The following CCDC171 variants were observed in gnomAD, a reference collection of about 807,000 sequenced individuals.
CCDC171 encodes coiled-coil domain containing 171, also known as coiled-coil domain-containing protein 171.
A neutral mutation model predicts 168.2 loss-of-function variants in CCDC171; 177 were observed. The observed-to-expected ratio is 1.05, with a 90% confidence interval of 0.93 to 1.19. CCDC171 has a LOEUF of 1.19. CCDC171 is among the 50% of genes most tolerant of loss of function. The probability of loss-of-function intolerance (pLI) is 0.00; values close to 1 mark genes in which losing one functional copy is unlikely to be tolerated. For synonymous variants in CCDC171, 687 were observed against 540.8 expected, an observed-to-expected ratio of 1.27 and a Z score of -3.75; for missense variants, 1,991 against 1,539.0, an observed-to-expected ratio of 1.29 and a Z score of -4.91.
chr9:15,839,726 T>G (rs1192954530), intron 21 of CCDC171, among the ~76,000 whole-genome samples: 2 of 152,204 alleles, frequency 1.3e-5, no homozygotes, highest in Admixed American at 6.5e-5. Context: ...TGAGAGGCAC[T>G]GTTCTGTGTG....
chr9:15,556,327 A>G (rs1270366640), intron 1 of CCDC171, among the ~76,000 whole-genome samples: 1 of 152,126 alleles, frequency 6.6e-6, no homozygotes, highest in Non-Finnish European at 1.5e-5. Flanking sequence ...TGTCTTCCAC[A>G]ATGGTTGAAC....
chr9:16,100,712 C>T, the CCDC171 span, among the ~76,000 whole-genome samples: 1 of 152,194 alleles, frequency 6.6e-6, no homozygotes, highest in Non-Finnish European at 1.5e-5. Flanking sequence ...TTGGAAGCAG[C>T]TGCGAGGAGA....
intron 3 of CCDC171, among the ~76,000 whole-genome samples, chr9:15,574,724 C>G (rs276450): frequency 0.055 from 8,442 of 152,304 alleles, 278 homozygotes; most frequent in African/African-American, 0.092. Flanking sequence ...TTTGCCTTAT[C>G]AGGTATTCCT....
intron 18 of CCDC171, among the ~76,000 whole-genome samples, chr9:15,770,430 G>C (rs1302434307): frequency 6.6e-6 from 1 of 152,088 alleles, no homozygotes. Context: ...TTGATTTATG[G>C]ATTTAAAATG....
At chr9:15,739,304 C>T (rs182241902) in intron 16 of CCDC171, among the ~76,000 whole-genome samples, 56 of 152,216 alleles carry the variant, frequency 3.7e-4, no homozygotes, top group Admixed American at 6.5e-4. Flanking sequence ...AGTGGTGAGG[C>T]TAATGCCTGT....
chr9:15,582,085 GA>G (rs1031878415), intron 4 of CCDC171, among the ~76,000 whole-genome samples: 4 of 151,986 alleles, frequency 2.6e-5, no homozygotes, highest in South Asian at 2.1e-4. Flanking sequence ...AAATTTACAA[GA>G]AAAAAACAAT....
chr9:16,050,107 G>T (rs999239596), intron 1 of CCDC171, among the ~76,000 whole-genome samples: 2 of 152,050 alleles, frequency 1.3e-5, no homozygotes, highest in African/African-American at 4.8e-5. Context: ...GGCTGGTCTC[G>T]ATCTCCTGAC....
intron 16 of CCDC171, among the ~76,000 whole-genome samples, chr9:15,730,667 A>T (rs1045881950): frequency 2.6e-5 from 4 of 151,792 alleles, no homozygotes; most frequent in African/African-American, 9.7e-5. Flanking sequence ...AAATAAAATT[A>T]TTATTATTAT....
At chr9:16,001,000 C>T (rs1348921810) in intron 3 of CCDC171, among the ~76,000 whole-genome samples, 1 of 152,090 alleles carries the variant, frequency 6.6e-6, no homozygotes, top group African/African-American at 2.4e-5. Context: ...TGATGATTGG[C>T]TCATTCAGAA....
At chr9:15,871,740 T>C (rs912340205) in intron 23 of CCDC171, among the ~76,000 whole-genome samples, 1 of 151,958 alleles carries the variant, frequency 6.6e-6, no homozygotes, top group African/African-American at 2.4e-5. Flanking sequence ...GTTGACACCT[T>C]GAAATTCAGA....
intron 16 of CCDC171, among the ~76,000 whole-genome samples, chr9:15,736,915 A>G (rs1198548515): frequency 1.3e-5 from 2 of 152,070 alleles, no homozygotes; most frequent in Admixed American, 6.6e-5. Context: ...TGGCCTCTCA[A>G]AGTGCTGGGA....
chr9:15,775,799 A>G (rs562426879), intron 18 of CCDC171, among the ~76,000 whole-genome samples: 1 of 152,342 alleles, frequency 6.6e-6, no homozygotes, highest in Non-Finnish European at 1.5e-5. Flanking sequence ...TGTGTTCAGC[A>G]TTGTTGCAGT....
chr9:15,700,218 G>A (rs1252545706), intron 11 of CCDC171, among the ~76,000 whole-genome samples: 3 of 152,226 alleles, frequency 2.0e-5, no homozygotes, highest in East Asian at 1.9e-4. Flanking sequence ...GTGAGAAATC[G>A]AGCACAGCGC....
chr9:16,105,775 G>T, the CCDC171 span, among the ~76,000 whole-genome samples: 1 of 152,176 alleles, frequency 6.6e-6, no homozygotes, highest in Non-Finnish European at 1.5e-5. Flanking sequence ...AACCAACACG[G>T]TTTTTGGCCA....
chr9:15,850,853 C>G (rs1017952798), intron 23 of CCDC171, among the ~76,000 whole-genome samples: 1 of 151,926 alleles, frequency 6.6e-6, no homozygotes, highest in African/African-American at 2.4e-5. Context: ...GGTCCAGGCT[C>G]TTTCATGGGA....
At chr9:15,954,251 T>G (rs1198858628) in intron 25 of CCDC171, among the ~76,000 whole-genome samples, 7 of 152,006 alleles carry the variant, frequency 4.6e-5, no homozygotes, top group Non-Finnish European at 1.0e-4. Context: ...TTCTAGTTTC[T>G]TAAGTAGTAA....
At chr9:15,757,071 CG>C (rs1564354628) in intron 18 of CCDC171, among the ~76,000 whole-genome samples, 1 of 151,978 alleles carries the variant, frequency 6.6e-6, no homozygotes, top group South Asian at 2.1e-4. Context: ...TAGAGTGGGG[CG>C]TTGCTGAAAA....
intron 6 of CCDC171, among the ~76,000 whole-genome samples, chr9:16,025,224 C>T (rs572267335): frequency 9.9e-5 from 15 of 152,220 alleles, no homozygotes; most frequent in East Asian, 3.9e-4. Flanking sequence ...GGTGGATCTC[C>T]GGAGGTCAGG....
chr9:15,784,717 G>T (rs1385170388), intron 21 of CCDC171, 23 bp downstream of exon 21: 2 of 1,557,730 alleles, frequency 1.3e-6, no homozygotes, highest in African/African-American at 2.7e-5. Context: ...AGGGATATTT[G>T]CATAAAGGGA....
Sources: allele counts gnomAD v4.1 joint callset (sites outside exome capture counted in the v4.1 genomes callset), GRCh38; gene constraint gnomAD v4.1.1; transcripts MANE v1.5; gene names NCBI Gene and HGNC (gene_info 2026-07-23, HGNC 2026-07-21).